Variants in PHIP observed in about 807,000 individuals in gnomAD.
The protein encoded by PHIP is PHIP subunit of CUL4-Ring ligase complex, also known as PH-interacting protein.
A neutral mutation model predicts 236.8 loss-of-function variants in PHIP; 54 were observed. That is an observed-to-expected ratio of 0.23 (90% CI 0.18 to 0.29). The LOEUF is 0.29. PHIP is among the 10% of genes least tolerant of loss of function. The pLI is 1.00. For missense variants in PHIP, 1,370 were observed against 2,190.8 expected (o/e 0.63, Z 7.48); for synonymous variants, 756 against 718.9 (o/e 1.05, Z -0.83).
chr6:79,015,943 C>T lies in PHIP; in HGVS notation c.1236-160G>A, dbSNP rs79861074. Among the ~76,000 whole-genome samples the T allele has an allele frequency of 4.3e-3, 646 of 151,992 alleles. 4 individuals are homozygous for T. Among genetic ancestry groups the T allele is most frequent in the African/African-American group, 0.014 (597 of 41,520 alleles). On this transcript the variant is annotated intron_variant, in intron 13 of 39. Transcript: ENST00000275034. ...CAACATGGAATGATGGTAAAAATCCCTGCACTGAGTCAGGAAATCCAGGAT... is the reference window on the plus strand; with the variant it reads ...CAACATGGAATGATGGTAAAAATCCTTGCACTGAGTCAGGAAATCCAGGAT...
intron 13 of PHIP, 133 bp from the exon 14 acceptor site, chr6:79,015,916 A>T (rs1359102053): frequency 1.7e-6 from 1 of 605,142 alleles, no homozygotes; most frequent in Non-Finnish European, 2.8e-6. Flanking sequence ...AGAAGTTTGA[A>T]TCAACATGGA....
chr6:79,011,094 A>G (rs1770550408), intron 15 of PHIP, among the ~76,000 whole-genome samples: 1 of 151,832 alleles, frequency 6.6e-6, no homozygotes, highest in Non-Finnish European at 1.5e-5. Context: ...AGTTTAGAAC[A>G]ACTCTCATCA....
chr6:78,955,646 A>G lies in PHIP; in HGVS notation c.3819T>C (p.Asn1273=). The G allele has an allele frequency of 9.1e-7, 1 of 1,099,170 alleles. No individual in the cohort carries two copies. Among genetic ancestry groups the G allele is most frequent in the Non-Finnish European group, 1.4e-6 (1 of 726,560 alleles). 68.1% of individuals were successfully genotyped at this position (1,099,170 alleles called of 1,614,324 possible). A position where few individuals can be genotyped will look rare whatever the true frequency, so the allele number is the denominator to read the frequency against. Residue 1273 remains asparagine, a synonymous_variant, in exon 33 of 40, where the codon AAT becomes AAC. Transcript: ENST00000275034. The part of the protein sequence containing the change: ...QTCYNIIPLY[N]SMKKKVLSDS... ...CAGACAAAACTTTCTTCTTCATTGA[A>G]TTATAAAGTGGAATTATGTTATAAC...
At chr6:78,958,329 C>T (rs529913437) in intron 32 of PHIP, 146 bp downstream of exon 32, 13 of 531,652 alleles carry the variant, frequency 2.4e-5, no homozygotes, top group Admixed American at 2.3e-4. Context: ...ACCTTTAGAT[C>T]TTCAGTCTAA....
At chr6:79,003,654 C>T in intron 16 of PHIP, 76 bp downstream of exon 16, 5 of 969,610 alleles carry the variant, frequency 5.2e-6, no homozygotes, top group Middle Eastern at 2.3e-4. Flanking sequence ...TGATTCTCAC[C>T]CACTCCAAAA....
intron 15 of PHIP, among the ~76,000 whole-genome samples, chr6:79,009,319 A>G (rs1047771302): frequency 1.3e-5 from 2 of 152,054 alleles, no homozygotes; most frequent in Non-Finnish European, 2.9e-5. Context: ...AGCTTTTTAT[A>G]ATGTTCCTCT....
chr6:79,017,245 T>C, intron 12 of PHIP, 101 bp downstream of exon 12: 1 of 658,900 alleles, frequency 1.5e-6, no homozygotes, highest in African/African-American at 1.8e-5. Context: ...ATCTTTTAGG[T>C]AGGTGATTAT....
rs1395432202 is a variant in PHIP at position 78,940,660 on chromosome 6, T to G, written c.*33A>C. ...ACTTATTCCTTAACTGTACCTGCTTTATAGATTTTGAAGTAAAATATTTTG... is the reference window on the plus strand; with the variant it reads ...ACTTATTCCTTAACTGTACCTGCTTGATAGATTTTGAAGTAAAATATTTTG... On this transcript the variant is annotated 3_prime_UTR_variant, in exon 40 of 40. Transcript: ENST00000275034. 6.8e-7 allele frequency: 1 copy of G among 1,472,638 alleles called. No homozygotes were observed. The highest frequency in any genetic ancestry group is 2.5e-5 in the East Asian group (1 of 40,162). The allele number at this position is 1,472,638 out of a possible 1,614,324, so 91.2% of individuals were successfully genotyped here.
At chr6:79,069,679 A>G in intron 4 of PHIP, among the ~76,000 whole-genome samples, 1 of 152,116 alleles carries the variant, frequency 6.6e-6, no homozygotes, top group African/African-American at 2.4e-5. Context: ...TAAAAACTTA[A>G]TAGAACCCAT....
intron 23 of PHIP, 40 bp downstream of exon 23, chr6:78,982,846 T>C: frequency 1.6e-6 from 2 of 1,228,480 alleles, no homozygotes; most frequent in African/African-American, 1.5e-5. Flanking sequence ...TTAAACTGTT[T>C]CTCTAGAAAA....
chr6:79,013,896 C>A (rs1770710901), intron 15 of PHIP, among the ~76,000 whole-genome samples: 1 of 150,832 alleles, frequency 6.6e-6, no homozygotes, highest in South Asian at 2.1e-4. Flanking sequence ...AACAGATATT[C>A]CAAAAAGGAG....
intron 15 of PHIP, among the ~76,000 whole-genome samples, chr6:79,006,163 A>T (rs1397857407): frequency 6.6e-6 from 1 of 152,038 alleles, no homozygotes; most frequent in African/African-American, 2.4e-5. Flanking sequence ...TAAAGGAGGC[A>T]TTAAAAGAAT....
intron 24 of PHIP, 28 bp from the exon 25 acceptor site, chr6:78,970,916 C>G: frequency 6.8e-7 from 1 of 1,474,216 alleles, no homozygotes; most frequent in African/African-American, 1.4e-5. Context: ...AATCTTACAA[C>G]CTGGATGTGT....
intron 15 of PHIP, among the ~76,000 whole-genome samples, chr6:79,009,259 C>A (rs1025779705): frequency 6.6e-6 from 1 of 152,082 alleles, no homozygotes; most frequent in Non-Finnish European, 1.5e-5. Context: ...AAATCTACTG[C>A]AATCAAGCTT....
chr6:79,001,955 C>T lies in PHIP; in HGVS notation c.1823G>A (p.Gly608Asp). The T allele has an allele frequency of 6.2e-7, 1 of 1,613,100 alleles. No individual in the cohort carries two copies. The stretch of plus-strand genomic sequence containing the variant: ...TTGCTCCTCCCTGCAATTTTCACGG[C>T]CAGGAACTAATCTTTGATATCTTGA... ...HPSRYQRLVP[G>D]RENCREEQLI... is the part of the protein sequence containing the mutation. The change falls in exon 17 of 40, where the codon GGC (glycine) becomes GAC (aspartate). Residue 608 changes from glycine to aspartate, a missense_variant. Physicochemically the swap from Gly to Asp is moderately conservative, Grantham distance 94. Around this residue, in one of 14 missense-constraint regions of PHIP, gnomAD observed 133 missense variants for 245.2 expected, o/e 0.54. Coordinates refer to ENST00000275034, the MANE Select transcript of PHIP (RefSeq NM_017934.7).
At chr6:79,063,597 AGT>A in intron 4 of PHIP, among the ~76,000 whole-genome samples, 1 of 152,132 alleles carries the variant, frequency 6.6e-6, no homozygotes, top group Admixed American at 6.5e-5. Flanking sequence ...TTGTATTTTT[AGT>A]AGAGACGGGG....
intron 37 of PHIP, chr6:78,946,474 C>A: frequency 7.2e-7 from 1 of 1,395,466 alleles, no homozygotes; most frequent in South Asian, 1.7e-5. Context: ...AAGCATGATG[C>A]CATCACTATC....
At position 78,997,509 on chromosome 6, in the gene PHIP, G is replaced by A. The variant is rs1769696951; in HGVS notation, c.2106C>T (p.His702=). The A allele has an allele frequency of 2.5e-6, 4 of 1,613,954 alleles. No individual in the cohort carries two copies. The highest frequency in any genetic ancestry group is 3.4e-6 in the Non-Finnish European group (4 of 1,179,902). Residue 702 remains histidine, a synonymous_variant, in exon 19 of 40, where the codon CAC becomes CAT. Coordinates refer to ENST00000275034, the MANE Select transcript of PHIP (RefSeq NM_017934.7). ...SGQIEGVRQM[H]SNAPRSEIAT... Reference sequence around the variant, plus strand: ...CTATTTCACTTCTTGGTGCGTTGCTGTGCATTTGCCGTACACCTTCAATTT... The same window carrying A: ...CTATTTCACTTCTTGGTGCGTTGCTATGCATTTGCCGTACACCTTCAATTT...
intron 35 of PHIP, among the ~76,000 whole-genome samples, chr6:78,951,912 A>G (rs1465765552): frequency 1.3e-5 from 2 of 152,206 alleles, no homozygotes; most frequent in African/African-American, 4.8e-5. Context: ...AGTTTTGTCT[A>G]TAAATCTTAG....
Sources: allele counts gnomAD v4.1 joint callset (sites outside exome capture counted in the v4.1 genomes callset), GRCh38; gene constraint gnomAD v4.1.1; regional missense constraint gnomAD v4.1.1; transcripts MANE v1.5; gene names NCBI Gene and HGNC (gene_info 2026-07-23, HGNC 2026-07-21).